The following ADAMTS9 variants were observed in gnomAD, a reference collection of about 807,000 sequenced individuals.
The protein encoded by ADAMTS9 is ADAM metallopeptidase with thrombospondin type 1 motif 9.
Under a neutral mutation model 257.1 loss-of-function variants are expected in ADAMTS9, and 107 were observed. The ratio of observed to expected loss-of-function variants is 0.42; its 90% CI spans 0.36 to 0.49. The LOEUF is 0.49. Ranked by LOEUF, ADAMTS9 falls within the 20% of genes least tolerant of loss-of-function variation. The pLI, the probability that ADAMTS9 is intolerant of heterozygous loss-of-function variation, is 0.03. For synonymous variants in ADAMTS9, 982 were observed against 880.9 expected, an observed-to-expected ratio of 1.11 and a Z score of -2.03; for missense variants, 2,353 against 2,469.1, an observed-to-expected ratio of 0.95 and a Z score of 1.00.
intron 11 of ADAMTS9, 51 bp from the exon 12 acceptor site, chr3:64,642,044 A>G (rs371154911): frequency 3.7e-6 from 6 of 1,604,704 alleles, no homozygotes; most frequent in Middle Eastern, 1.7e-4. Context: ...GTGAGTTGTT[A>G]CAGGACTGGC....
intron 38 of ADAMTS9, among the ~76,000 whole-genome samples, chr3:64,525,980 T>A (rs1575977705): frequency 6.8e-6 from 1 of 147,716 alleles, no homozygotes; most frequent in African/African-American, 2.5e-5. Flanking sequence ...TGTATAAAAT[T>A]TATATAAAAA....
Position 64,687,695 on chromosome 3 carries a change from CT to C in ADAMTS9, c.-39del. On this transcript the variant is annotated 5_prime_UTR_variant, in exon 1 of 40. Transcript: ENST00000498707. This position sits in a 1 kb window ranked among gnomAD's most constrained non-coding sequence, Gnocchi z 4.4. ...CCCTCCCTCCGCTGCCCCCACCCCC[CT>C]CCCTCCTGCCCTCCTTGGCTGCGGC... The C allele has an allele frequency of 7.0e-7, 1 of 1,435,214 alleles. No homozygotes were observed. Among genetic ancestry groups the C allele is most frequent in the African/African-American group, 1.5e-5 (1 of 67,812 alleles). 88.9% of individuals were successfully genotyped at this position (1,435,214 alleles called of 1,614,324 possible).
chr3:64,609,827 A>T (rs542747247), intron 22 of ADAMTS9, among the ~76,000 whole-genome samples: 1 of 152,312 alleles, frequency 6.6e-6, no homozygotes, highest in South Asian at 2.1e-4. Flanking sequence ...AGCCAAAATG[A>T]TATTGAAAAA....
At chr3:64,595,471 G>A (rs2084348396) in intron 27 of ADAMTS9, among the ~76,000 whole-genome samples, 1 of 152,330 alleles carries the variant, frequency 6.6e-6, no homozygotes, top group South Asian at 2.1e-4. Context: ...GATCTGGTCT[G>A]TGCTGACAGC....
chr3:64,608,084 A>C (rs2084590616), intron 22 of ADAMTS9, among the ~76,000 whole-genome samples: 1 of 152,012 alleles, frequency 6.6e-6, no homozygotes, highest in African/African-American at 2.4e-5. Flanking sequence ...GATAAATTAA[A>C]ATGAAAGCAG....
chr3:64,641,723 C>G (rs950452037), intron 12 of ADAMTS9, 125 bp downstream of exon 12: 21 of 1,303,480 alleles, frequency 1.6e-5, no homozygotes, highest in Non-Finnish European at 2.1e-5. Context: ...CTAAGCAGCC[C>G]TTGAAGTTTA....
At chr3:64,575,560 C>A (rs962849822) in intron 28 of ADAMTS9, among the ~76,000 whole-genome samples, 1 of 152,128 alleles carries the variant, frequency 6.6e-6, no homozygotes. Flanking sequence ...GCTGCCAACA[C>A]AGGAAATGGC....
chr3:64,612,943 C>T (rs2084693716), intron 22 of ADAMTS9, among the ~76,000 whole-genome samples: 1 of 152,088 alleles, frequency 6.6e-6, no homozygotes, highest in Non-Finnish European at 1.5e-5. Context: ...ACATTGGGAG[C>T]CAAAATATCT....
At chr3:64,587,521 C>A (rs1576084767) in intron 28 of ADAMTS9, 1 of 152,196 alleles carries the variant, frequency 6.6e-6, no homozygotes, top group East Asian at 1.9e-4. Flanking sequence ...TCAGTATTAA[C>A]CACATGTGAC....
chr3:64,668,863 G>A (rs1035688910), intron 3 of ADAMTS9, among the ~76,000 whole-genome samples: 1 of 152,160 alleles, frequency 6.6e-6, no homozygotes, highest in Non-Finnish European at 1.5e-5. Context: ...GCGCAGTTGG[G>A]CTGGAGCTCT....
At chr3:64,649,962 T>C (rs548009490) in intron 9 of ADAMTS9, 184 bp from the exon 10 acceptor site, 4 of 695,562 alleles carry the variant, frequency 5.8e-6, no homozygotes, top group East Asian at 2.9e-5. Flanking sequence ...GCTGTTTACT[T>C]TGTAGAACCA....
intron 3 of ADAMTS9, among the ~76,000 whole-genome samples, chr3:64,665,744 G>A (rs901466778): frequency 2.6e-5 from 4 of 152,130 alleles, no homozygotes; most frequent in African/African-American, 4.8e-5. Context: ...GAAAAAAGGA[G>A]GAACTACAAA....
intron 37 of ADAMTS9, 29 bp downstream of exon 37, chr3:64,539,174 T>C: frequency 1.3e-6 from 2 of 1,584,860 alleles, no homozygotes; most frequent in Non-Finnish European, 1.7e-6. Context: ...GGTGAATCCC[T>C]GGCAAGGGGG....
At chr3:64,636,610 G>A (rs143620311) in intron 12 of ADAMTS9, among the ~76,000 whole-genome samples, 7 of 152,218 alleles carry the variant, frequency 4.6e-5, no homozygotes, top group East Asian at 3.9e-4. Context: ...AACCCAGCCC[G>A]CCATTGATTT....
intron 3 of ADAMTS9, among the ~76,000 whole-genome samples, chr3:64,675,625 C>A (rs988701688): frequency 5.3e-5 from 8 of 152,168 alleles, no homozygotes; most frequent in Non-Finnish European, 5.9e-5. Flanking sequence ...TCTCAAAAAA[C>A]CAAATAAACC....
intron 23 of ADAMTS9, among the ~76,000 whole-genome samples, chr3:64,606,284 T>C (rs1321020602): frequency 2.0e-5 from 3 of 152,196 alleles, no homozygotes; most frequent in Non-Finnish European, 2.9e-5. Context: ...ATCAACCAAA[T>C]AATAAATTAA....
intron 11 of ADAMTS9, among the ~76,000 whole-genome samples, chr3:64,645,119 A>C (rs1700754130): frequency 6.6e-6 from 1 of 152,242 alleles, no homozygotes; most frequent in Non-Finnish European, 1.5e-5. Context: ...AATAATAATC[A>C]CATAGCAAAA....
intron 22 of ADAMTS9, 132 bp from the exon 23 acceptor site, chr3:64,607,211 G>A: frequency 8.9e-7 from 1 of 1,123,682 alleles, no homozygotes; most frequent in Non-Finnish European, 1.3e-6. Flanking sequence ...AAATAAACTA[G>A]GTCGAAGTGG....
intron 14 of ADAMTS9, 22 bp from the exon 15 acceptor site, chr3:64,631,947 A>C: frequency 6.5e-7 from 1 of 1,536,134 alleles, no homozygotes; most frequent in Non-Finnish European, 9.0e-7. Flanking sequence ...AAAAGATTTG[A>C]AATAAATGTA....
Sources: gnomAD v4.1 joint callset for allele counts (sites outside exome capture counted in the v4.1 genomes callset) on GRCh38, gnomAD v4.1.1 for gene constraint, Gnocchi (gnomAD v3.1) non-coding constraint, MANE v1.5 for transcripts, NCBI Gene and HGNC (gene_info 2026-07-23, HGNC 2026-07-21) for gene names.